Variants in TRDN observed in about 807,000 individuals in gnomAD.
The protein encoded by TRDN is triadin, also known as triadin in skeletal muscle.
A neutral mutation model predicts 149.7 loss-of-function variants in TRDN; 161 were observed. The ratio of observed to expected loss-of-function variants is 1.08; its 90% CI spans 0.95 to 1.23. TRDN has a LOEUF of 1.23. TRDN is among the 50% of genes most tolerant of loss of function. TRDN has a pLI of 0.00. For synonymous variants in TRDN, 294 were observed against 250.5 expected (o/e 1.17, Z -1.64); for missense variants, 896 against 823.5 (o/e 1.09, Z -1.08).
chr6:123,266,314 AATATGTATTATATATTATG>A (rs1359283569), intron 32 of TRDN, among the ~76,000 whole-genome samples: 3 of 105,578 alleles, frequency 2.8e-5, no homozygotes, highest in Admixed American at 2.8e-4. Context: ...AATTATATGT[AATATGTATTATATATTATG>A]ATATGTATTA....
At chr6:123,299,888 G>T (rs537138534) in intron 24 of TRDN, among the ~76,000 whole-genome samples, 1 of 152,126 alleles carries the variant, frequency 6.6e-6, no homozygotes, top group African/African-American at 2.4e-5. Context: ...GAATAGCAAA[G>T]AAGATATAAA....
intron 2 of TRDN, among the ~76,000 whole-genome samples, chr6:123,563,124 T>C (rs1259123162): frequency 1.3e-5 from 2 of 152,224 alleles, no homozygotes; most frequent in African/African-American, 4.8e-5. Context: ...TATAATTGTT[T>C]ATGGCAATGT....
At chr6:123,414,740 C>A (rs1467351298) in intron 12 of TRDN, among the ~76,000 whole-genome samples, 1 of 152,064 alleles carries the variant, frequency 6.6e-6, no homozygotes, top group Non-Finnish European at 1.5e-5. Context: ...GCCAAAATTT[C>A]TCTCTTTAAG....
chr6:123,225,158 G>A lies in TRDN; in HGVS notation c.1976-1027C>T, dbSNP rs545457152. 2.6e-5 allele frequency among the ~76,000 whole-genome samples: 4 copies of A among 151,730 alleles called. No individual in the cohort carries two copies. The South Asian group carries it at 8.3e-4, about 31-fold the overall frequency. ...GATGCCTTATATTATTAATTATCAT[G>A]AAATGAAATAAAACCACAATGAGAT... is the stretch of plus-strand genomic sequence containing the variant. On this transcript the variant is annotated intron_variant, in intron 38 of 40. Transcript: ENST00000334268.
chr6:123,354,108 G>T (rs1282002374), intron 20 of TRDN, among the ~76,000 whole-genome samples: 1 of 151,748 alleles, frequency 6.6e-6, no homozygotes, highest in Admixed American at 6.6e-5. Context: ...TACCAGAAAA[G>T]AACTGTGCAG....
chr6:123,381,932 CA>C (rs954297734), intron 15 of TRDN, among the ~76,000 whole-genome samples, 185 bp downstream of exon 15: 5 of 150,836 alleles, frequency 3.3e-5, no homozygotes, highest in Non-Finnish European at 7.4e-5. Flanking sequence ...CTTCTCATAG[CA>C]GTATTGTCAG....
In TRDN at chr6:123,548,497, A is replaced by G. The variant is rs746361154; in HGVS notation, c.348T>C (p.Ser116=). The G allele has an allele frequency of 6.3e-7, 1 of 1,578,028 alleles. No homozygotes were observed. The highest frequency in any genetic ancestry group is 1.2e-5 in the South Asian group (1 of 84,608). The change falls in exon 3 of 41, where the codon TCT becomes TCC. Residue 116 remains serine, a synonymous_variant. Transcript: ENST00000334268. ...CACCATCATCATCTTCTTCATCTTCAGATGAGATGATGTCAGATAACAAAG... is the reference window on the plus strand; with the variant it reads ...CACCATCATCATCTTCTTCATCTTCGGATGAGATGATGTCAGATAACAAAG... ...FFSLLSDIIS[S]EDEEDDDGDE...
intron 6 of TRDN, among the ~76,000 whole-genome samples, chr6:123,514,173 T>G (rs1222784991): frequency 1.3e-5 from 2 of 152,230 alleles, no homozygotes; most frequent in East Asian, 3.9e-4. Context: ...GAGACCAGCC[T>G]GGCCAACATG....
intron 24 of TRDN, among the ~76,000 whole-genome samples, chr6:123,299,502 T>C (rs1304939510): frequency 6.6e-6 from 1 of 152,020 alleles, no homozygotes; most frequent in African/African-American, 2.4e-5. Context: ...TTTTTCTTTC[T>C]TAAGATGTTT....
intron 12 of TRDN, among the ~76,000 whole-genome samples, chr6:123,411,397 A>G (rs1005919727): frequency 6.6e-6 from 1 of 152,166 alleles, no homozygotes; most frequent in African/African-American, 2.4e-5. Flanking sequence ...GGGTCCTTCA[A>G]GCAACAGGAT....
At chr6:123,342,907 C>T (rs1780117566) in intron 21 of TRDN, among the ~76,000 whole-genome samples, 1 of 152,076 alleles carries the variant, frequency 6.6e-6, no homozygotes, top group Non-Finnish European at 1.5e-5. Flanking sequence ...CTAACACATA[C>T]TCGAAATTCC....
Position 123,218,519 on chromosome 6 carries a change from A to G in TRDN, c.*82T>C. On this transcript the variant is annotated 3_prime_UTR_variant, in exon 41 of 41. Coordinates refer to ENST00000334268, the MANE Select transcript of TRDN (RefSeq NM_006073.4). ...TTCACAGAAATTCTCTGGGTTGCAT[A>G]TTCTTAATTGCCTGAACTACTGTGG... 1.3e-6 allele frequency: 2 copies of G among 1,483,324 alleles called. No homozygotes were observed. Among genetic ancestry groups the G allele is most frequent in the Non-Finnish European group, 1.8e-6 (2 of 1,105,432 alleles). 91.9% of individuals were successfully genotyped at this position (1,483,324 alleles called of 1,614,324 possible).
In TRDN at chr6:123,420,312, T is replaced by C. The variant is rs190412745; in HGVS notation, c.1051+17751A>G. On this transcript the variant is annotated intron_variant, in intron 12 of 40. Transcript: ENST00000334268. Reference sequence around the variant, plus strand: ...TCTGACATGCACTAGTGGTAAAAGATGGCAGCTGAAATACAAGCAGCCTTT... The same window carrying C: ...TCTGACATGCACTAGTGGTAAAAGACGGCAGCTGAAATACAAGCAGCCTTT... Among the ~76,000 whole-genome samples the C allele has an allele frequency of 1.7e-4, 26 of 152,294 alleles. No homozygotes were observed. In the East Asian group the frequency reaches 5.0e-3, roughly 29 times the overall value.
chr6:123,285,244 G>C (rs1481539305), intron 24 of TRDN, among the ~76,000 whole-genome samples: 2 of 151,864 alleles, frequency 1.3e-5, no homozygotes, highest in African/African-American at 2.4e-5. Flanking sequence ...GCAAGACTAA[G>C]CAAAAAGAAC....
At chr6:123,281,148 A>C (rs1394874909) in intron 24 of TRDN, among the ~76,000 whole-genome samples, 1 of 152,110 alleles carries the variant, frequency 6.6e-6, no homozygotes, top group African/African-American at 2.4e-5. Context: ...CACAAATGTT[A>C]AACCATTTAC....
chr6:123,259,718 C>T, intron 34 of TRDN, 56 bp from the exon 35 acceptor site: 1 of 1,296,866 alleles, frequency 7.7e-7, no homozygotes, highest in Non-Finnish European at 1.1e-6. Flanking sequence ...GACTTTCTTA[C>T]TCATTCTTGG....
intron 9 of TRDN, among the ~76,000 whole-genome samples, chr6:123,484,146 GAA>G: frequency 6.7e-6 from 1 of 149,604 alleles, no homozygotes; most frequent in African/African-American, 2.5e-5. Flanking sequence ...ATCCTCTGCA[GAA>G]AAAAAAAGCT....
chr6:123,360,722 AG>A (rs1780866955), intron 20 of TRDN, among the ~76,000 whole-genome samples: 3 of 100,396 alleles, frequency 3.0e-5, no homozygotes, highest in East Asian at 1.4e-3. Context: ...AGAGAGACGG[AG>A]AGAGAGAGAG....
At chr6:123,515,524 A>G (rs1166439939) in intron 6 of TRDN, among the ~76,000 whole-genome samples, 1 of 151,434 alleles carries the variant, frequency 6.6e-6, no homozygotes, top group Non-Finnish European at 1.5e-5. Flanking sequence ...AAGTCAGATT[A>G]TAGGACATAC....
Sources: gnomAD v4.1 joint callset for allele counts (sites outside exome capture counted in the v4.1 genomes callset) on GRCh38, gnomAD v4.1.1 for gene constraint, MANE v1.5 for transcripts, NCBI Gene and HGNC (gene_info 2026-07-23, HGNC 2026-07-21) for gene names.